Variants in KSR1 observed in about 807,000 individuals in gnomAD.
The protein encoded by KSR1 is kinase suppressor of ras 1.
A neutral mutation model predicts 92.9 loss-of-function variants in KSR1; 35 were observed. That is an observed-to-expected ratio of 0.38 (90% confidence interval 0.29 to 0.50). The LOEUF is 0.50. KSR1 is among the 20% of genes least tolerant of loss of function. The pLI, the probability that KSR1 is intolerant of heterozygous loss-of-function variation, is 0.94. For synonymous variants in KSR1, 467 were observed against 472.6 expected, an observed-to-expected ratio of 0.99 and a Z score of 0.15; for missense variants, 972 against 1,158.5, an observed-to-expected ratio of 0.84 and a Z score of 2.34.
intron 4 of KSR1, 103 bp from the exon 5 acceptor site, chr17:27,585,554 A>T: frequency 1.4e-6 from 1 of 717,968 alleles, no homozygotes; most frequent in Non-Finnish European, 2.6e-6. Flanking sequence ...TCAGAGTCCT[A>T]CGTCCCAGCC....
chr17:27,577,431 G>C lies in KSR1; in HGVS notation c.373-61G>C. 2.7e-6 allele frequency: 3 copies of C among 1,103,336 alleles called. No homozygotes were observed. The highest frequency in any genetic ancestry group is 3.9e-6 in the Non-Finnish European group (3 of 760,422). The allele number at this position is 1,103,336 out of a possible 1,614,324, so 68.3% of individuals were successfully genotyped here. A position where few individuals can be genotyped will look rare whatever the true frequency, so the allele number is the denominator to read the frequency against. On this transcript the variant is annotated intron_variant, in intron 2 of 20. Coordinates refer to ENST00000644974, the MANE Select transcript of KSR1 (RefSeq NM_001394583.1). This position sits in a 1 kb window ranked among gnomAD's most constrained non-coding sequence, Gnocchi z 4.5. ...CTCAGCAGGAGGCCAGCCTGAGGCT[G>C]AGGGGCTCCCGGCCCAGCCGACTGC... is the stretch of plus-strand genomic sequence containing the variant.
chr17:27,615,775 G>T (rs145739601), intron 18 of KSR1, among the ~76,000 whole-genome samples: 1 of 152,164 alleles, frequency 6.6e-6, no homozygotes, highest in African/African-American at 2.4e-5. Context: ...AATAAACTGC[G>T]AGTGAAACCT....
chr17:27,526,435 T>C, intron 1 of KSR1: 1 of 1,565,786 alleles, frequency 6.4e-7, no homozygotes, highest in Non-Finnish European at 8.7e-7. Flanking sequence ...AGGCCATTCC[T>C]TGGTAAAAGT....
intron 1 of KSR1, among the ~76,000 whole-genome samples, chr17:27,515,611 GTTTTTTTTTTT>G (rs770675553): frequency 3.1e-4 from 34 of 109,048 alleles, no homozygotes; most frequent in Non-Finnish European, 4.2e-4. Flanking sequence ...CTGCTTCGTA[GTTTTTTTTTTT>G]TTTTTTTTTT....
At chr17:27,611,237 T>C in intron 17 of KSR1, 1 of 479,284 alleles carries the variant, frequency 2.1e-6, no homozygotes, top group Non-Finnish European at 3.7e-6. Flanking sequence ...GGATTTGTGC[T>C]GAGGTCAGAA....
intron 1 of KSR1, among the ~76,000 whole-genome samples, chr17:27,499,087 A>G (rs1445296412): frequency 6.6e-6 from 1 of 152,198 alleles, no homozygotes; most frequent in Non-Finnish European, 1.5e-5. Context: ...GGATATGCCA[A>G]GGGCATCAGA....
At chr17:27,462,833 A>G (rs1438617784) in intron 1 of KSR1, among the ~76,000 whole-genome samples, 2 of 152,256 alleles carry the variant, frequency 1.3e-5, no homozygotes, top group African/African-American at 2.4e-5. Flanking sequence ...GCATTTGCAT[A>G]TAAATGTACA....
intron 1 of KSR1, among the ~76,000 whole-genome samples, chr17:27,519,879 T>TC (rs2069950937): frequency 6.6e-6 from 1 of 152,170 alleles, no homozygotes; most frequent in Non-Finnish European, 1.5e-5. Flanking sequence ...GAGCTCTTCA[T>TC]CCAGCCCAGC....
At chr17:27,458,376 A>T (rs2019279834) in intron 1 of KSR1, among the ~76,000 whole-genome samples, 1 of 152,068 alleles carries the variant, frequency 6.6e-6, no homozygotes, top group Non-Finnish European at 1.5e-5. Flanking sequence ...GCGTGGTTGG[A>T]CTTCGGTGTT....
intron 2 of KSR1, chr17:27,560,270 A>ATTTTTT: frequency 2.7e-6 from 1 of 375,766 alleles, no homozygotes; most frequent in Non-Finnish European, 5.2e-6. Flanking sequence ...GCATGGAGCC[A>ATTTTTT]TTTTTTTTTT....
intron 1 of KSR1, among the ~76,000 whole-genome samples, chr17:27,507,480 T>A (rs1005124805): frequency 1.3e-5 from 2 of 151,832 alleles, no homozygotes; most frequent in African/African-American, 2.4e-5. Flanking sequence ...TATTTTTGTA[T>A]GTTTTGTGTG....
intron 1 of KSR1, among the ~76,000 whole-genome samples, chr17:27,527,718 G>A (rs776644459): frequency 1.3e-5 from 2 of 152,118 alleles, no homozygotes; most frequent in Non-Finnish European, 2.9e-5. Context: ...GCACAAATCA[G>A]ACTGTATAAG....
chr17:27,518,544 GCC>G (rs943999037), intron 1 of KSR1, among the ~76,000 whole-genome samples: 6 of 152,120 alleles, frequency 3.9e-5, no homozygotes, highest in African/African-American at 1.4e-4. Context: ...TCATCTGAGT[GCC>G]CCCTCTCTAC....
intron 1 of KSR1, among the ~76,000 whole-genome samples, chr17:27,512,636 T>C (rs1299233750): frequency 2.0e-5 from 3 of 152,118 alleles, no homozygotes; most frequent in East Asian, 1.9e-4. Context: ...AGCAAGAGAA[T>C]TGCTTGAACC....
chr17:27,575,794 T>C (rs2072482088), intron 2 of KSR1, among the ~76,000 whole-genome samples: 1 of 152,214 alleles, frequency 6.6e-6, no homozygotes. Flanking sequence ...TCATTCTTTG[T>C]ATTTTCCATT....
chr17:27,564,270 C>T (rs989259019), intron 2 of KSR1, among the ~76,000 whole-genome samples: 2 of 152,162 alleles, frequency 1.3e-5, no homozygotes, highest in African/African-American at 4.8e-5. Context: ...GGATTATAGG[C>T]GTGAGCCCCC....
At chr17:27,555,237 A>G (rs2071546313) in intron 2 of KSR1, among the ~76,000 whole-genome samples, 1 of 152,186 alleles carries the variant, frequency 6.6e-6, no homozygotes, top group African/African-American at 2.4e-5. Context: ...TATGAGGGGT[A>G]GGTGGGTTAA....
At chr17:27,525,723 G>A (rs1468598057) in intron 1 of KSR1, among the ~76,000 whole-genome samples, 1 of 152,202 alleles carries the variant, frequency 6.6e-6, no homozygotes, top group Non-Finnish European at 1.5e-5. Flanking sequence ...GGTTGCAGCT[G>A]CTTAATCTTC....
At chr17:27,463,678 A>G (rs1419996275) in intron 1 of KSR1, among the ~76,000 whole-genome samples, 5 of 152,128 alleles carry the variant, frequency 3.3e-5, no homozygotes, top group Admixed American at 2.0e-4. Flanking sequence ...CCTTGCTCCA[A>G]GATAGCGGAG....
Sources: gnomAD v4.1 joint callset for allele counts (sites outside exome capture counted in the v4.1 genomes callset) on GRCh38, gnomAD v4.1.1 for gene constraint, Gnocchi (gnomAD v3.1) non-coding constraint, MANE v1.5 for transcripts, NCBI Gene and HGNC (gene_info 2026-07-23, HGNC 2026-07-21) for gene names.